Variants in ARMH3 observed in about 807,000 individuals in gnomAD.
The protein encoded by ARMH3 is armadillo-like helical domain-containing protein 3.
ARMH3 carries 60 observed loss-of-function variants against 99.1 expected under a neutral mutation model. The ratio of observed to expected loss-of-function variants is 0.61; its 90% CI spans 0.49 to 0.75. The LOEUF (loss-of-function observed/expected upper bound fraction) is 0.75. Among genes scored for constraint, ARMH3 ranks in the 30% least tolerant of loss-of-function variants. The pLI is 0.00. For synonymous variants in ARMH3, 285 were observed against 292.8 expected (o/e 0.97, Z 0.27); for missense variants, 679 against 843.1 (o/e 0.81, Z 2.41).
chr10:102,024,075 T>C (rs2066946889), intron 6 of ARMH3, among the ~76,000 whole-genome samples: 1 of 152,132 alleles, frequency 6.6e-6, no homozygotes. Flanking sequence ...CTTCAAGAGG[T>C]GGCAGGGAAA....
chr10:101,876,685 C>T (rs1483332111), intron 24 of ARMH3, among the ~76,000 whole-genome samples: 1 of 152,142 alleles, frequency 6.6e-6, no homozygotes, highest in Non-Finnish European at 1.5e-5. Flanking sequence ...ACTGTAATGA[C>T]AAACCATGTT....
chr10:101,913,390 G>A (rs868084230), intron 23 of ARMH3: 1 of 129,432 alleles, frequency 7.7e-6, no homozygotes, highest in Middle Eastern at 5.1e-3. Context: ...TTTTGAGACA[G>A]GGTCTCTCTC....
At chr10:101,915,652 A>G (rs77339072) in intron 23 of ARMH3, among the ~76,000 whole-genome samples, 1 of 152,112 alleles carries the variant, frequency 6.6e-6, no homozygotes, top group Non-Finnish European at 1.5e-5. Context: ...TGGTTCACCT[A>G]TCCCTGGGTC....
chr10:101,943,935 A>C (rs1452820747), intron 22 of ARMH3, among the ~76,000 whole-genome samples: 2 of 150,768 alleles, frequency 1.3e-5, no homozygotes, highest in Non-Finnish European at 3.0e-5. Context: ...GTGGTGGCGG[A>C]CACCTGTAGT....
At chr10:101,861,658 A>T (rs1008058257) in intron 24 of ARMH3, among the ~76,000 whole-genome samples, 2 of 145,674 alleles carry the variant, frequency 1.4e-5, no homozygotes, top group South Asian at 4.4e-4. Flanking sequence ...TAAAGCCGGG[A>T]GGCAGAGGTT....
At chr10:101,949,795 T>G (rs1844709806) in intron 22 of ARMH3, among the ~76,000 whole-genome samples, 1 of 152,074 alleles carries the variant, frequency 6.6e-6, no homozygotes, top group Non-Finnish European at 1.5e-5. Flanking sequence ...CCAATATACC[T>G]CATGAATACT....
At chr10:102,033,556 C>A (rs1393277528) in intron 2 of ARMH3, 1 of 457,808 alleles carries the variant, frequency 2.2e-6, no homozygotes, top group East Asian at 3.6e-5. Context: ...GTAGCTGGGA[C>A]TACAGGCGCC....
chr10:101,876,937 G>T (rs1348829779), intron 24 of ARMH3, among the ~76,000 whole-genome samples: 1 of 152,144 alleles, frequency 6.6e-6, no homozygotes, highest in African/African-American at 2.4e-5. Context: ...GCCAGGTGCG[G>T]TGGCTCACAC....
At chr10:101,871,926 G>A (rs560235253) in intron 24 of ARMH3, among the ~76,000 whole-genome samples, 28 of 151,990 alleles carry the variant, frequency 1.8e-4, no homozygotes, top group African/African-American at 5.6e-4. Context: ...GCTTGAACCC[G>A]GAGGCAGAGG....
At chr10:101,885,792 G>A (rs1182433082) in intron 24 of ARMH3, among the ~76,000 whole-genome samples, 8 of 152,258 alleles carry the variant, frequency 5.3e-5, no homozygotes, top group Admixed American at 2.0e-4. Context: ...AGTGGCTCAC[G>A]CCTGTAATCC....
chr10:101,877,036 G>A (rs1459416102), intron 24 of ARMH3, among the ~76,000 whole-genome samples: 1 of 151,882 alleles, frequency 6.6e-6, no homozygotes, highest in Non-Finnish European at 1.5e-5. Context: ...AAGGAGACCT[G>A]GTCTCCACAA....
chr10:101,967,749 G>A (rs1360610134), intron 20 of ARMH3, among the ~76,000 whole-genome samples: 1 of 152,074 alleles, frequency 6.6e-6, no homozygotes, highest in African/African-American at 2.4e-5. Flanking sequence ...GGGGAGCAGG[G>A]GGCGGGGAAC....
chr10:101,847,469 C>A lies in ARMH3; in HGVS notation c.*59G>T. The A allele has an allele frequency of 6.4e-7, 1 of 1,557,782 alleles. No individual in the cohort carries two copies. The highest frequency in any genetic ancestry group is 8.9e-7 in the Non-Finnish European group (1 of 1,129,606). On this transcript the variant is annotated 3_prime_UTR_variant, in exon 26 of 26. Transcript: ENST00000370033. The stretch of plus-strand genomic sequence containing the variant: ...GCAGCCCCCTCTCCCCTCGCTCCCC[C>A]TCCAGCCCATGATCCTCATGGGTAA...
chr10:101,941,702 A>G (rs1344289931), intron 22 of ARMH3, among the ~76,000 whole-genome samples: 2 of 152,226 alleles, frequency 1.3e-5, no homozygotes, highest in Admixed American at 6.5e-5. Flanking sequence ...GGAATTTGGT[A>G]TAGTTCCAAG....
At chr10:101,926,784 A>G (rs963324961) in intron 23 of ARMH3, among the ~76,000 whole-genome samples, 2 of 152,178 alleles carry the variant, frequency 1.3e-5, no homozygotes, top group African/African-American at 2.4e-5. Flanking sequence ...GGTGAAAACA[A>G]AATTTTTTTT....
chr10:102,012,512 G>A (rs143493643), intron 10 of ARMH3, among the ~76,000 whole-genome samples: 4 of 152,284 alleles, frequency 2.6e-5, no homozygotes, highest in African/African-American at 4.8e-5. Flanking sequence ...ATACTTGTAT[G>A]ATACACTGGA....
chr10:101,923,769 G>A (rs190900402), intron 23 of ARMH3, among the ~76,000 whole-genome samples: 7 of 152,242 alleles, frequency 4.6e-5, no homozygotes, highest in African/African-American at 1.7e-4. Flanking sequence ...GCGGTTTTGG[G>A]AGAGTAGGAG....
intron 1 of ARMH3, among the ~76,000 whole-genome samples, chr10:102,051,070 C>T (rs1394847561): frequency 6.6e-6 from 1 of 151,046 alleles, no homozygotes; most frequent in East Asian, 1.9e-4. Context: ...AGGAGAATCA[C>T]TTGAACCCGG....
intron 13 of ARMH3, among the ~76,000 whole-genome samples, chr10:102,007,976 C>T (rs1181394066): frequency 6.6e-6 from 1 of 152,098 alleles, no homozygotes; most frequent in Non-Finnish European, 1.5e-5. Context: ...GATGACTCTT[C>T]TGTCCCTAAC....
Sources: allele counts gnomAD v4.1 joint callset (sites outside exome capture counted in the v4.1 genomes callset), GRCh38; gene constraint gnomAD v4.1.1; transcripts MANE v1.5; gene names NCBI Gene and HGNC (gene_info 2026-07-23, HGNC 2026-07-21).